Variants in GRIK1 observed in about 807,000 individuals in gnomAD.
The protein encoded by GRIK1 is glutamate ionotropic receptor kainate type subunit 1.
A neutral mutation model predicts 105.7 loss-of-function variants in GRIK1; 69 were observed. The ratio of observed to expected loss-of-function variants is 0.65; its 90% CI spans 0.54 to 0.80. The LOEUF (loss-of-function observed/expected upper bound fraction) is 0.80. GRIK1 is among the 30% of genes least tolerant of loss of function. The pLI is 0.00. For missense variants in GRIK1, 1,109 were observed against 1,167.3 expected (o/e 0.95, Z 0.73); for synonymous variants, 438 against 431.3 (o/e 1.02, Z -0.19).
In GRIK1 at chr21:29,876,112, A is replaced by ATATG. The variant is rs142408189; in HGVS notation, c.118+63270_118+63271insCATA. 7.4e-3 allele frequency among the ~76,000 whole-genome samples: 1,099 copies of ATATG among 148,680 alleles called. 7 individuals carry two copies. Among genetic ancestry groups the ATATG allele is most frequent in the Non-Finnish European group, 0.011 (767 of 67,068 alleles). The stretch of plus-strand genomic sequence containing the variant: ...ACAATCCCAAGGGGAGGAGATAGAT[A>ATATG]TGTGTGTGTGTGTGTGTGTGTGTGT... On this transcript the variant is annotated intron_variant, in intron 1 of 17. Coordinates refer to ENST00000327783, the MANE Select transcript of GRIK1 (RefSeq NM_001330994.2).
intron 13 of GRIK1, among the ~76,000 whole-genome samples, chr21:29,578,293 G>T (rs2090942426): frequency 6.6e-6 from 1 of 152,234 alleles, no homozygotes; most frequent in African/African-American, 2.4e-5. Flanking sequence ...GTGAAGTACA[G>T]TAGGTCAGCT....
chr21:29,784,021 C>T (rs1470925260), intron 1 of GRIK1, among the ~76,000 whole-genome samples: 1 of 152,282 alleles, frequency 6.6e-6, no homozygotes, highest in South Asian at 2.1e-4. Flanking sequence ...CAAGCTGTGC[C>T]TCCCGGGTTC....
At chr21:29,871,864 A>G (rs1427174448) in intron 1 of GRIK1, among the ~76,000 whole-genome samples, 1 of 148,686 alleles carries the variant, frequency 6.7e-6, no homozygotes, top group Non-Finnish European at 1.5e-5. Flanking sequence ...CCCAGGCTCA[A>G]GCTATCCTCC....
intron 1 of GRIK1, among the ~76,000 whole-genome samples, chr21:29,931,336 G>A (rs960223609): frequency 6.6e-6 from 1 of 152,066 alleles, no homozygotes; most frequent in African/African-American, 2.4e-5. Context: ...GTCAATATTG[G>A]TCAGCTATTT....
intron 1 of GRIK1, among the ~76,000 whole-genome samples, chr21:29,750,968 A>T (rs2065184843): frequency 6.6e-6 from 1 of 152,072 alleles, no homozygotes; most frequent in South Asian, 2.1e-4. Flanking sequence ...GTTTTATAAG[A>T]TTTGGGTGGA....
rs866454379 is a variant in GRIK1, at chr21:29,595,340, G to T, written c.1251+1186C>A. Among the ~76,000 whole-genome samples, 459 of 136,972 alleles carry T rather than the reference G, an allele frequency of 3.4e-3. 4 individuals are homozygous for T. Among genetic ancestry groups the T allele is most frequent in the African/African-American group, 0.012 (444 of 37,034 alleles). The allele number at this position is 136,972 out of a possible 152,430, so 89.9% of individuals were successfully genotyped here. On this transcript the variant is annotated intron_variant, in intron 9 of 17. Transcript: ENST00000327783. ...GTCTCAAGATGGATTAGTGTAATAG[G>T]TTTTTTTTTTTTTTTTTCTTTTTCT...
intron 7 of GRIK1, among the ~76,000 whole-genome samples, chr21:29,601,810 G>A (rs1300765561): frequency 2.6e-5 from 4 of 152,336 alleles, no homozygotes; most frequent in African/African-American, 7.2e-5. Context: ...AATTGGATTG[G>A]AAGCTTGTCA....
chr21:29,729,285 G>A (rs1032046234), intron 1 of GRIK1, among the ~76,000 whole-genome samples: 11 of 152,090 alleles, frequency 7.2e-5, no homozygotes, highest in Admixed American at 6.6e-5. Flanking sequence ...ATTTCATGCC[G>A]GAAGAAGCCC....
intron 1 of GRIK1, among the ~76,000 whole-genome samples, chr21:29,828,624 C>G (rs113316547): frequency 6.6e-6 from 1 of 151,968 alleles, no homozygotes; most frequent in South Asian, 2.1e-4. Context: ...ATCTTAGCCT[C>G]CCAAGTAGCA....
intron 1 of GRIK1, among the ~76,000 whole-genome samples, chr21:29,862,691 C>CA (rs923487268): frequency 6.6e-6 from 1 of 151,822 alleles, no homozygotes; most frequent in Non-Finnish European, 1.5e-5. Flanking sequence ...CTGTAGGAAA[C>CA]AAAAAAACAC....
chr21:29,726,572 A>G (rs564457542), intron 1 of GRIK1, among the ~76,000 whole-genome samples: 1 of 152,156 alleles, frequency 6.6e-6, no homozygotes, highest in Non-Finnish European at 1.5e-5. Flanking sequence ...TTTTGAGTGT[A>G]TATTTTCAAA....
intron 1 of GRIK1, among the ~76,000 whole-genome samples, chr21:29,824,977 A>G (rs2067411339): frequency 6.6e-6 from 1 of 152,058 alleles, no homozygotes; most frequent in Admixed American, 6.6e-5. Context: ...TGATAGGTAT[A>G]TTTTAAAGGC....
chr21:29,682,435 A>G (rs2063398759), intron 3 of GRIK1, among the ~76,000 whole-genome samples: 1 of 152,144 alleles, frequency 6.6e-6, no homozygotes, highest in Non-Finnish European at 1.5e-5. Flanking sequence ...TAGAACAGGA[A>G]AGTTCCTATT....
At chr21:29,867,834 A>C (rs2068852818) in intron 1 of GRIK1, among the ~76,000 whole-genome samples, 1 of 150,232 alleles carries the variant, frequency 6.7e-6, no homozygotes, top group African/African-American at 2.5e-5. Context: ...GAAAGAAAGA[A>C]AGAAAGAAGG....
At chr21:29,928,387 G>A (rs768444210) in intron 1 of GRIK1, among the ~76,000 whole-genome samples, 3 of 152,124 alleles carry the variant, frequency 2.0e-5, no homozygotes, top group African/African-American at 4.8e-5. Context: ...CTTCCCCTTC[G>A]AGTTGGGAAA....
intron 1 of GRIK1, among the ~76,000 whole-genome samples, chr21:29,721,676 A>G (rs900193461): frequency 3.3e-5 from 5 of 152,174 alleles, no homozygotes; most frequent in African/African-American, 1.2e-4. Flanking sequence ...AAAATACACA[A>G]GCAAACAAAA....
At chr21:29,917,632 ATTG>A (rs1245830683) in intron 1 of GRIK1, among the ~76,000 whole-genome samples, 1 of 151,986 alleles carries the variant, frequency 6.6e-6, no homozygotes, top group Non-Finnish European at 1.5e-5. Context: ...TTGGTCTGTC[ATTG>A]TTGAGGACAG....
intron 7 of GRIK1, chr21:29,630,530 G>T (rs764530399): frequency 1.9e-5 from 9 of 471,530 alleles, no homozygotes; most frequent in Non-Finnish European, 3.5e-5. Context: ...GCTCTCTTCT[G>T]GTCTTAAGGG....
At chr21:29,587,647 C>G (rs1014964426) in intron 11 of GRIK1, 58 bp from the exon 12 acceptor site, 1 of 944,484 alleles carries the variant, frequency 1.1e-6, no homozygotes, top group African/African-American at 1.6e-5. Context: ...AATGTCTAGA[C>G]TTTTCCTGGG....
Sources: gnomAD v4.1 joint callset for allele counts (sites outside exome capture counted in the v4.1 genomes callset) on GRCh38, gnomAD v4.1.1 for gene constraint, MANE v1.5 for transcripts, NCBI Gene and HGNC (gene_info 2026-07-23, HGNC 2026-07-21) for gene names.